The following PDGFA variants were observed in gnomAD, a reference collection of about 807,000 sequenced individuals.
The protein encoded by PDGFA is platelet derived growth factor subunit A.
PDGFA carries 9 observed loss-of-function variants against 25.6 expected under a neutral mutation model. The ratio of observed to expected loss-of-function variants is 0.35; its 90% CI spans 0.21 to 0.61. The LOEUF (loss-of-function observed/expected upper bound fraction) is 0.61. PDGFA is among the 20% of genes least tolerant of loss of function. PDGFA has a pLI of 0.75. For synonymous variants in PDGFA, 133 were observed against 111.8 expected, an observed-to-expected ratio of 1.19 and a Z score of -1.20; for missense variants, 242 against 272.8, an observed-to-expected ratio of 0.89 and a Z score of 0.79.
upstream of PDGFA, chr7:520,038 C>A (rs1562495997): frequency 2.5e-6 from 1 of 397,928 alleles, no homozygotes; most frequent in Non-Finnish European, 5.0e-6. Context: ...CACGCGCTCG[C>A]GCAAGCAGCT....
In PDGFA at chr7:517,405, A is replaced by G. The variant is rs1287227282; in HGVS notation, c.149T>C (p.Ile50Thr). The G allele has an allele frequency of 2.9e-6, 4 of 1,377,980 alleles. No individual in the cohort carries two copies. Among genetic ancestry groups the G allele is most frequent in the Non-Finnish European group, 3.8e-6 (4 of 1,049,070 alleles). The allele number at this position is 1,377,980 out of a possible 1,614,324, so 85.4% of individuals were successfully genotyped here. ...GGGGCGCGATTTACCTACGGAGTCT[A>G]TCTCCAGGAGTCGCTGGAGGTCCCG... Residue 50 changes from isoleucine to threonine, a missense_variant, in exon 2 of 6, where the codon ATA becomes ACA. Around this residue, in one of 5 missense-constraint regions of PDGFA, gnomAD observed 113 missense variants for 98.3 expected, o/e 1.15. Transcript: ENST00000402802. This position sits in a 1 kb window ranked among gnomAD's most constrained non-coding sequence, Gnocchi z 7.4.
chr7:500,473 G>A lies in PDGFA; in HGVS notation c.580+643C>T, dbSNP rs375414569. On this transcript the variant is annotated intron_variant, in intron 5 of 5. Transcript: ENST00000402802. This position sits in a 1 kb window ranked among gnomAD's most constrained non-coding sequence, Gnocchi z 5.0. ...GTGGGTTTTAACCTTTTTCTTTTCC[G>A]TTTTTTACCTGACTCCCTAGGCCTT... 2.7e-5 allele frequency: 44 copies of A among 1,613,934 alleles called. No homozygotes were observed. Among genetic ancestry groups the A allele is most frequent in the Middle Eastern group, 1.6e-4 (1 of 6,084 alleles).
In PDGFA at chr7:517,455, C is replaced by A; in HGVS notation, c.99G>T (p.Leu33=). 1 of 1,381,792 alleles carries A rather than the reference C, an allele frequency of 7.2e-7. No individual in the cohort carries two copies. The highest frequency in any genetic ancestry group is 2.7e-5 in the Admixed American group (1 of 37,530). 85.6% of individuals were successfully genotyped at this position (1,381,792 alleles called of 1,614,324 possible). ...GGATGCTGTGGATCTGACTGCGGGC[C>A]AGCCTCTCGATCACCTCGCGGGGGA... The change falls in exon 2 of 6, where the codon CTG becomes CTT. Residue 33 remains leucine (L), a synonymous_variant. Transcript: ENST00000402802. The surrounding 1 kb of genome is among the most constrained non-coding windows in gnomAD (Gnocchi z 7.4).
At chr7:519,114 G>T (rs1783246120) in exon 1 of PDGFA, 1 of 725,776 alleles carries the variant, frequency 1.4e-6, no homozygotes, top group Non-Finnish European at 2.1e-6. Flanking sequence ...GCGCGGCCCG[G>T]AGGAGGGTGG....
rs545301652 is a variant in PDGFA at position 515,078 on chromosome 7, G to A, written c.160+2316C>T. Among the ~76,000 whole-genome samples the A allele has an allele frequency of 1.2e-3, 177 of 152,350 alleles. 1 individual carries two copies. The highest frequency in any genetic ancestry group is 4.1e-3 in the African/African-American group (170 of 41,568). ...AAAGCCCCACCCACCTGGAGGAGGA[G>A]TCAGCATAGCTGGGGCGCACCCCTG... On this transcript the variant is annotated intron_variant, in intron 2 of 5. Transcript: ENST00000402802.
At chr7:511,073 G>C in intron 3 of PDGFA, 77 bp from the exon 4 acceptor site, 2 of 1,221,262 alleles carry the variant, frequency 1.6e-6, no homozygotes, top group East Asian at 4.9e-5. Flanking sequence ...GGCGGCTCCA[G>C]CTGGGCCTGG....
Position 500,866 on chromosome 7 carries a change from T to C in PDGFA, c.580+250A>G. Reference sequence around the variant, plus strand: ...GTGTCTTATGCACTCCCAGCCCCTCTCAGTGAGACCTGAATCTCCTCTCCT... The same window carrying C: ...GTGTCTTATGCACTCCCAGCCCCTCCCAGTGAGACCTGAATCTCCTCTCCT... On this transcript the variant is annotated intron_variant, in intron 5 of 5. Transcript: ENST00000402802. The surrounding 1 kb of genome is among the most constrained non-coding windows in gnomAD (Gnocchi z 5.0). 1 of 1,551,016 alleles carries C rather than the reference T, an allele frequency of 6.4e-7. No homozygotes were observed. Among genetic ancestry groups the C allele is most frequent in the Non-Finnish European group, 8.7e-7 (1 of 1,154,370 alleles).
chr7:505,422 G>A lies in PDGFA; in HGVS notation c.454-4180C>T, dbSNP rs992362488. Among the ~76,000 whole-genome samples, 13 of 152,270 alleles carry A rather than the reference G, an allele frequency of 8.5e-5. 1 individual carries two copies. The highest frequency in any genetic ancestry group is 6.2e-4 in the South Asian group (3 of 4,816). ...CCCAAGACTACAACCCAGGGATGCC[G>A]TCACCCCTCTAGACCTGGGATGCCG... is the stretch of plus-strand genomic sequence containing the variant. On this transcript the variant is annotated intron_variant, in intron 4 of 5. Coordinates refer to ENST00000402802, the Ensembl canonical transcript of PDGFA.
At position 500,981 on chromosome 7, in the gene PDGFA, G is replaced by C; in HGVS notation, c.580+135C>G. ...CGCAGGCATCTGGCCCGGGAGCAGG[G>C]CAACGAATCCTTCAACAGCAGCCCA... On this transcript the variant is annotated intron_variant, in intron 5 of 5. Transcript: ENST00000402802. The surrounding 1 kb of genome is among the most constrained non-coding windows in gnomAD (Gnocchi z 5.0). The C allele has an allele frequency of 6.3e-7, 1 of 1,600,000 alleles. No individual in the cohort carries two copies. The highest frequency in any genetic ancestry group is 8.5e-7 in the Non-Finnish European group (1 of 1,178,762).
Position 517,300 on chromosome 7 carries a change from G to C in PDGFA, c.160+94C>G. 1 of 395,144 alleles carries C rather than the reference G, an allele frequency of 2.5e-6. No individual in the cohort carries two copies. The highest frequency in any genetic ancestry group is 7.4e-5 in the South Asian group (1 of 13,570). 24.5% of individuals were successfully genotyped at this position (395,144 alleles called of 1,614,324 possible). On this transcript the variant is annotated intron_variant, in intron 2 of 5. Coordinates refer to ENST00000402802, the Ensembl canonical transcript of PDGFA. This position sits in a 1 kb window ranked among gnomAD's most constrained non-coding sequence, Gnocchi z 7.4. ...GGATTGGATTCTGACCTTTCGGTGC[G>C]CTCCTGCGCGGCGCCCCGCCCGGCC...
At position 500,412 on chromosome 7, in the gene PDGFA, G is replaced by C; in HGVS notation, c.580+704C>G. 6.2e-7 allele frequency: 1 copy of C among 1,613,354 alleles called. No homozygotes were observed. The highest frequency in any genetic ancestry group is 1.6e-4 in the Middle Eastern group (1 of 6,062). On this transcript the variant is annotated intron_variant, in intron 5 of 5. Transcript: ENST00000402802. This position sits in a 1 kb window ranked among gnomAD's most constrained non-coding sequence, Gnocchi z 5.0. The stretch of plus-strand genomic sequence containing the variant: ...CTCCCCGCCCTGCAGGACTCAGTGT[G>C]TCCGGCAGACAGTCCTACCTGGTTG...
At chr7:509,484 T>C (rs1485802635) in intron 4 of PDGFA, among the ~76,000 whole-genome samples, 1 of 151,990 alleles carries the variant, frequency 6.6e-6, no homozygotes, top group Non-Finnish European at 1.5e-5. Context: ...AGAGATGGGG[T>C]CCTGCCATGT....
At chr7:507,493 C>T (rs574670573) in intron 4 of PDGFA, among the ~76,000 whole-genome samples, 5 of 152,182 alleles carry the variant, frequency 3.3e-5, no homozygotes, top group South Asian at 2.1e-4. Context: ...CTCAGGGGGC[C>T]GGGGGAGGGA....
chr7:519,070 T>C, exon 1 of PDGFA: 2 of 1,270,094 alleles, frequency 1.6e-6, no homozygotes, highest in Middle Eastern at 1.8e-4. Context: ...GCCGGTCTCC[T>C]GTGGCGGCGA....
At chr7:520,012 C>T (rs143598722), upstream of PDGFA, 35,155 of 380,300 alleles carry the variant, frequency 0.092, 2,162 homozygotes, top group Non-Finnish European at 0.12. Flanking sequence ...GCGCCGCCGC[C>T]GCGGCAGGGA....
chr7:518,052 G>A (rs2128408146), intron 1 of PDGFA, among the ~76,000 whole-genome samples: 1 of 151,912 alleles, frequency 6.6e-6, no homozygotes, highest in South Asian at 2.1e-4. Context: ...TCACACACTC[G>A]CCCCACCCCG....
At chr7:505,745 C>T (rs936840940) in intron 4 of PDGFA, among the ~76,000 whole-genome samples, 3 of 152,208 alleles carry the variant, frequency 2.0e-5, no homozygotes, top group African/African-American at 7.2e-5. Flanking sequence ...CCATCCCTAG[C>T]CTGCACTCCT....
At position 500,334 on chromosome 7, in the gene PDGFA, C is replaced by G. The variant is rs1374763050; in HGVS notation, c.580+782G>C. ...AGGCCAATCAGGGCCACATCCCCGC[C>G]GCACCCGGCGAGACAGGAAGCGTGA... On this transcript the variant is annotated intron_variant, in intron 5 of 5. Coordinates refer to ENST00000402802, the Ensembl canonical transcript of PDGFA. The surrounding 1 kb of genome is among the most constrained non-coding windows in gnomAD (Gnocchi z 5.0). 1 of 1,380,274 alleles carries G rather than the reference C, an allele frequency of 7.2e-7. No homozygotes were observed. The highest frequency in any genetic ancestry group is 1.4e-5 in the African/African-American group (1 of 70,112). The allele number at this position is 1,380,274 out of a possible 1,614,324, so 85.5% of individuals were successfully genotyped here. A position where few individuals can be genotyped will look rare whatever the true frequency, so the allele number is the denominator to read the frequency against.
intron 2 of PDGFA, among the ~76,000 whole-genome samples, chr7:513,650 C>T (rs145187400): frequency 3.1e-4 from 47 of 152,202 alleles, no homozygotes; most frequent in Non-Finnish European, 5.0e-4. Flanking sequence ...CCAATCCAGA[C>T]GGCTAATGGG....
Sources: gnomAD v4.1 joint callset for allele counts (sites outside exome capture counted in the v4.1 genomes callset) on GRCh38, gnomAD v4.1.1 for gene constraint, gnomAD v4.1.1 regional missense constraint, Gnocchi (gnomAD v3.1) non-coding constraint, MANE v1.5 for transcripts, NCBI Gene and HGNC (gene_info 2026-07-23, HGNC 2026-07-21) for gene names.